The following RAPH1 variants were observed in gnomAD, a reference collection of about 807,000 sequenced individuals.
The protein encoded by RAPH1 is ras-associated and pleckstrin homology domains-containing protein 1.
RAPH1 carries 18 observed loss-of-function variants against 88.1 expected under a neutral mutation model. That is an observed-to-expected ratio of 0.20 (90% CI 0.14 to 0.30). The LOEUF (loss-of-function observed/expected upper bound fraction) is 0.30. RAPH1 is among the 10% of genes least tolerant of loss of function. The pLI is 1.00. For synonymous variants in RAPH1, 587 were observed against 559.0 expected, an observed-to-expected ratio of 1.05 and a Z score of -0.71; for missense variants, 1,448 against 1,543.2, an observed-to-expected ratio of 0.94 and a Z score of 1.03.
intron 1 of RAPH1, among the ~76,000 whole-genome samples, chr2:203,519,294 A>C (rs1189349589): frequency 6.6e-6 from 1 of 152,260 alleles, no homozygotes; most frequent in African/African-American, 2.4e-5. Context: ...ATAATTATAC[A>C]CCATGACCAA....
intron 1 of RAPH1, among the ~76,000 whole-genome samples, chr2:203,510,672 G>A (rs761454593): frequency 2.0e-5 from 3 of 151,848 alleles, no homozygotes; most frequent in Non-Finnish European, 4.4e-5. Context: ...GGAGTGGTGA[G>A]GTCTGGGAAC....
intron 4 of RAPH1, among the ~76,000 whole-genome samples, chr2:203,478,577 C>T (rs1295321408): frequency 2.0e-5 from 3 of 151,998 alleles, no homozygotes; most frequent in African/African-American, 7.3e-5. Context: ...GCAACCTCTG[C>T]CTTCCAGGTT....
intron 2 of RAPH1, 171 bp downstream of exon 2, chr2:203,495,063 T>G: frequency 1.6e-6 from 1 of 615,266 alleles, no homozygotes; most frequent in Non-Finnish European, 2.7e-6. Context: ...CCATAGATTC[T>G]TAATATCTTC....
At chr2:203,503,961 A>G (rs1404353349) in intron 1 of RAPH1, among the ~76,000 whole-genome samples, 1 of 152,210 alleles carries the variant, frequency 6.6e-6, no homozygotes, top group Non-Finnish European at 1.5e-5. Flanking sequence ...GGTCACGCTG[A>G]TGCAAAAGGT....
At chr2:203,518,317 A>C (rs1389042030) in intron 1 of RAPH1, among the ~76,000 whole-genome samples, 3 of 152,102 alleles carry the variant, frequency 2.0e-5, no homozygotes, top group Non-Finnish European at 4.4e-5. Context: ...GGAGTTTGAG[A>C]CCAGCCTGGC....
chr2:203,484,595 T>G (rs942635192), intron 4 of RAPH1, among the ~76,000 whole-genome samples: 4 of 152,176 alleles, frequency 2.6e-5, no homozygotes, highest in Non-Finnish European at 5.9e-5. Context: ...GGTAACCAAT[T>G]TAGCAAATCC....
chr2:203,471,527 G>A (rs1186295049), intron 4 of RAPH1, among the ~76,000 whole-genome samples: 2 of 152,052 alleles, frequency 1.3e-5, no homozygotes, highest in African/African-American at 2.4e-5. Flanking sequence ...CAGAAGAATC[G>A]CTTGAACTTG....
At chr2:203,511,603 T>C (rs758534515) in intron 1 of RAPH1, among the ~76,000 whole-genome samples, 2 of 152,150 alleles carry the variant, frequency 1.3e-5, no homozygotes, top group African/African-American at 4.8e-5. Flanking sequence ...ATCGGTACAT[T>C]TGTCACAATG....
At chr2:203,531,401 T>TA (rs34572980) in intron 1 of RAPH1, among the ~76,000 whole-genome samples, 9 of 147,468 alleles carry the variant, frequency 6.1e-5, no homozygotes, top group Non-Finnish European at 6.0e-5. Flanking sequence ...ACTTGAAGTA[T>TA]AAAAAAAAAA....
chr2:203,485,680 C>G (rs1405234361), intron 4 of RAPH1, among the ~76,000 whole-genome samples: 1 of 152,186 alleles, frequency 6.6e-6, no homozygotes, highest in Non-Finnish European at 1.5e-5. Context: ...TTAACCCTCT[C>G]TACCTAGAGC....
intron 4 of RAPH1, among the ~76,000 whole-genome samples, chr2:203,484,459 C>A (rs1416578653): frequency 1.3e-5 from 2 of 152,170 alleles, no homozygotes; most frequent in Non-Finnish European, 2.9e-5. Flanking sequence ...GTAGCACACG[C>A]CCTTGATGGA....
rs2098500811 is a variant in RAPH1 at position 203,439,120 on chromosome 2, A to C, written c.*317T>G. The stretch of plus-strand genomic sequence containing the variant: ...CCACATGATATAGAAATCTTAAGAG[A>C]CAACACACATCCCCTTCTATGCCTC... On this transcript the variant is annotated 3_prime_UTR_variant, in exon 14 of 14. Transcript: ENST00000319170. The C allele has an allele frequency of 3.8e-6, 1 of 261,240 alleles. No homozygotes were observed. The highest frequency in any genetic ancestry group is 9.2e-5 in the South Asian group (1 of 10,912). 16.2% of individuals were successfully genotyped at this position (261,240 alleles called of 1,614,324 possible).
chr2:203,454,376 A>T, intron 10 of RAPH1, 54 bp downstream of exon 10: 1 of 1,184,036 alleles, frequency 8.4e-7, no homozygotes, highest in Admixed American at 2.0e-5. Flanking sequence ...ATATCCAATA[A>T]CCTGCTCTAT....
At chr2:203,455,747 C>T (rs1241034784) in intron 8 of RAPH1, among the ~76,000 whole-genome samples, 167 bp from the exon 9 acceptor site, 1 of 151,914 alleles carries the variant, frequency 6.6e-6, no homozygotes, top group Non-Finnish European at 1.5e-5. Context: ...GGTGTAGTGG[C>T]TCATGCCTGT....
At chr2:203,471,422 G>A (rs1475811033) in intron 4 of RAPH1, among the ~76,000 whole-genome samples, 1 of 152,112 alleles carries the variant, frequency 6.6e-6, no homozygotes, top group East Asian at 1.9e-4. Flanking sequence ...GACCAGCTTG[G>A]TCAACATGGT....
Position 203,440,577 on chromosome 2 carries a change from G to T in RAPH1, c.2613C>A (p.Pro871=). The T allele has an allele frequency of 6.4e-7, 1 of 1,553,608 alleles. No individual in the cohort carries two copies. The highest frequency in any genetic ancestry group is 8.7e-7 in the Non-Finnish European group (1 of 1,149,306). ...ATTCCATGGCAGGGGGAGTTGGAGG[G>T]GGTGGAAACTGGCTGGCTATCTGCT... is the stretch of plus-strand genomic sequence containing the variant. ...VVKQIASQFP[P]PPTPPAMESQ... is the part of the protein sequence containing the mutation. Residue 871 remains proline (P), a synonymous_variant, in exon 14 of 14, where the codon CCC becomes CCA. Transcript: ENST00000319170.
At chr2:203,502,083 A>T (rs1050450749) in intron 1 of RAPH1, among the ~76,000 whole-genome samples, 4 of 152,218 alleles carry the variant, frequency 2.6e-5, no homozygotes, top group Non-Finnish European at 5.9e-5. Context: ...GAAAGGGACT[A>T]AGAAGGAAGC....
intron 1 of RAPH1, among the ~76,000 whole-genome samples, chr2:203,521,215 A>G (rs1689850585): frequency 1.3e-5 from 2 of 152,100 alleles, no homozygotes; most frequent in South Asian, 2.1e-4. Context: ...CACCATACCC[A>G]GCTAATTTTT....
rs760908242 is a variant in RAPH1 at position 203,440,895 on chromosome 2, T to TG, written c.2294dup (p.Pro766ThrfsTer157). On this transcript the variant is annotated frameshift_variant, in exon 14 of 14. Transcript: ENST00000319170. LOFTEE classifies it low-confidence loss of function (END_TRUNC). ...GGAGGGGTGCAGGGATAGGAGGAGG[T>TG]GGGGGGGGTGTTGGGGGAGCCACCT... 120 of 220,364 alleles carry TG rather than the reference T, an allele frequency of 5.4e-4. No homozygotes were observed. Among genetic ancestry groups the TG allele is most frequent in the East Asian group, 2.0e-3 (16 of 8,002 alleles). The allele number at this position is 220,364 out of a possible 1,614,324, so 13.7% of individuals were successfully genotyped here. A position where few individuals can be genotyped will look rare whatever the true frequency, so the allele number is the denominator to read the frequency against.
Sources: gnomAD v4.1 joint callset for allele counts (sites outside exome capture counted in the v4.1 genomes callset) on GRCh38, gnomAD v4.1.1 for gene constraint, MANE v1.5 for transcripts, NCBI Gene and HGNC (gene_info 2026-07-23, HGNC 2026-07-21) for gene names.